Variants in SLC35D1 observed in about 807,000 individuals in gnomAD.
The protein encoded by SLC35D1 is solute carrier family 35 member D1, also known as nucleotide sugar transporter SLC35D1.
SLC35D1 carries 31 observed loss-of-function variants against 46.7 expected under a neutral mutation model. The ratio of observed to expected loss-of-function variants is 0.66; its 90% CI spans 0.50 to 0.90. SLC35D1 has a LOEUF of 0.90. SLC35D1 is among the 40% of genes least tolerant of loss of function. The pLI, the probability that SLC35D1 is intolerant of heterozygous loss-of-function variation, is 0.00. For synonymous variants in SLC35D1, 195 were observed against 164.6 expected, an observed-to-expected ratio of 1.18 and a Z score of -1.41; for missense variants, 397 against 426.2, an observed-to-expected ratio of 0.93 and a Z score of 0.60.
chr1:67,035,538 G>A (rs151262459), intron 8 of SLC35D1, among the ~76,000 whole-genome samples: 20 of 152,126 alleles, frequency 1.3e-4, no homozygotes, highest in Admixed American at 3.3e-4. Flanking sequence ...CAGTTGTAAC[G>A]TCTCCTTTTT....
At chr1:67,039,525 G>A (rs889392443) in intron 8 of SLC35D1, among the ~76,000 whole-genome samples, 17 of 152,006 alleles carry the variant, frequency 1.1e-4, no homozygotes, top group Admixed American at 7.9e-4. Flanking sequence ...GTGTGTGCGC[G>A]CGTGGGGGGT....
At chr1:66,988,259 T>A in the SLC35D1 span, 1 of 152,328 alleles carries the variant, frequency 6.6e-6, no homozygotes, top group Non-Finnish European at 1.5e-5. Context: ...AAAATGACTC[T>A]CTTCTCTCAA....
chr1:67,020,579 G>C (rs184610399), intron 9 of SLC35D1, 132 bp from the exon 10 acceptor site: 71 of 698,866 alleles, frequency 1.0e-4, no homozygotes, highest in Admixed American at 8.9e-4. Flanking sequence ...CCACCTCACT[G>C]CTTCTTATAC....
At chr1:66,989,674 C>T in the SLC35D1 span, among the ~76,000 whole-genome samples, 673 of 152,204 alleles carry the variant, frequency 4.4e-3, 3 homozygotes, top group African/African-American at 0.015. Context: ...TATGTTGCCC[C>T]GGCCACTCTG....
chr1:67,030,003 C>T (rs986070810), intron 8 of SLC35D1, among the ~76,000 whole-genome samples: 1 of 151,566 alleles, frequency 6.6e-6, no homozygotes, highest in African/African-American at 2.4e-5. Flanking sequence ...ATTAGCTTTG[C>T]ACTAAGTTTT....
At chr1:66,973,274 A>G in the SLC35D1 span, among the ~76,000 whole-genome samples, 1 of 152,072 alleles carries the variant, frequency 6.6e-6, no homozygotes, top group Non-Finnish European at 1.5e-5. Flanking sequence ...GTGCAATGCA[A>G]TTCTTTATAG....
the SLC35D1 span, among the ~76,000 whole-genome samples, chr1:66,973,431 A>G: frequency 1.3e-5 from 2 of 152,202 alleles, no homozygotes; most frequent in African/African-American, 4.8e-5. Context: ...AATACTTAAT[A>G]TTTAACTTAG....
At chr1:66,982,430 CAAGAAAAAGAG>C in the SLC35D1 span, among the ~76,000 whole-genome samples, 5 of 151,952 alleles carry the variant, frequency 3.3e-5, no homozygotes, top group South Asian at 1.0e-3. Context: ...TTTTTCTCTC[CAAGAAAAAGAG>C]AAGAAAAAGG....
intron 8 of SLC35D1, among the ~76,000 whole-genome samples, chr1:67,032,991 C>T (rs1019581369): frequency 2.0e-5 from 3 of 152,080 alleles, no homozygotes; most frequent in South Asian, 2.1e-4. Context: ...AATGAGAACA[C>T]GTGAAGTTTG....
chr1:67,045,917 T>C (rs533385321), intron 7 of SLC35D1, among the ~76,000 whole-genome samples: 18 of 152,162 alleles, frequency 1.2e-4, no homozygotes, highest in Non-Finnish European at 2.2e-4. Flanking sequence ...ATTAATAGTA[T>C]CTATTTTCCA....
chr1:66,990,736 C>T, the SLC35D1 span, among the ~76,000 whole-genome samples: 1 of 152,128 alleles, frequency 6.6e-6, no homozygotes, highest in South Asian at 2.1e-4. Flanking sequence ...AGGTCATATG[C>T]CAAAAGTAAC....
At chr1:66,973,192 A>G in the SLC35D1 span, among the ~76,000 whole-genome samples, 1 of 152,040 alleles carries the variant, frequency 6.6e-6, no homozygotes, top group Non-Finnish European at 1.5e-5. Flanking sequence ...TTTTCAGTGC[A>G]TCATATTGCA....
At chr1:67,028,100 A>G (rs1667949755) in intron 8 of SLC35D1, among the ~76,000 whole-genome samples, 1 of 151,588 alleles carries the variant, frequency 6.6e-6, no homozygotes, top group Non-Finnish European at 1.5e-5. Flanking sequence ...TTCTTTGTCT[A>G]TGAATTATTT....
intron 10 of SLC35D1, among the ~76,000 whole-genome samples, chr1:67,014,528 A>T (rs1281978662): frequency 6.6e-6 from 1 of 152,076 alleles, no homozygotes; most frequent in African/African-American, 2.4e-5. Context: ...TGTCTACATA[A>T]TATCAAATTA....
At chr1:66,973,533 A>C in the SLC35D1 span, among the ~76,000 whole-genome samples, 1 of 152,086 alleles carries the variant, frequency 6.6e-6, no homozygotes, top group Non-Finnish European at 1.5e-5. Context: ...TATTTAACAT[A>C]ATCATTTATC....
downstream of SLC35D1, among the ~76,000 whole-genome samples, chr1:66,995,408 A>G (rs2102208383): frequency 8.2e-6 from 1 of 122,042 alleles, no homozygotes; most frequent in East Asian, 2.6e-4. Context: ...AACGCAAATG[A>G]GGCCATGCTT....
chr1:67,028,117 G>A (rs925949765), intron 8 of SLC35D1, among the ~76,000 whole-genome samples: 3 of 138,846 alleles, frequency 2.2e-5, no homozygotes, highest in Non-Finnish European at 4.9e-5. Context: ...ATTTAGAGGT[G>A]TGCTAATTTG....
intron 8 of SLC35D1, 104 bp from the exon 9 acceptor site, chr1:67,021,706 G>GACACACACACACACAC (rs1304759407): frequency 4.3e-6 from 1 of 233,674 alleles, no homozygotes; most frequent in African/African-American, 3.0e-5. Flanking sequence ...CACAGACACA[G>GACACACACACACACAC]ACACAGACAC....
chr1:67,018,174 G>A (rs1570616020), intron 10 of SLC35D1, among the ~76,000 whole-genome samples: 1 of 152,142 alleles, frequency 6.6e-6, no homozygotes, highest in Non-Finnish European at 1.5e-5. Context: ...CTAGGCCTAA[G>A]GATGAAGACA....
Sources: gnomAD v4.1 joint callset for allele counts (sites outside exome capture counted in the v4.1 genomes callset) on GRCh38, gnomAD v4.1.1 for gene constraint, MANE v1.5 for transcripts, NCBI Gene and HGNC (gene_info 2026-07-23, HGNC 2026-07-21) for gene names.